MTMR14: variants seen among roughly 807,000 people sequenced by gnomAD.
MTMR14 encodes myotubularin related protein 14.
MTMR14 carries 48 observed loss-of-function variants against 86.3 expected under a neutral mutation model. The ratio of observed to expected loss-of-function variants is 0.56; its 90% CI spans 0.44 to 0.71. The LOEUF is 0.71. Ranked by LOEUF, MTMR14 falls within the 30% of genes least tolerant of loss-of-function variation. The pLI, the probability that MTMR14 is intolerant of heterozygous loss-of-function variation, is 0.00. For missense variants in MTMR14, 780 were observed against 834.6 expected (o/e 0.93, Z 0.81); for synonymous variants, 366 against 326.1 (o/e 1.12, Z -1.32).
intron 18 of MTMR14, 90 bp downstream of exon 18, chr3:9,697,956 G>A: frequency 1.3e-6 from 2 of 1,571,710 alleles, no homozygotes; most frequent in Non-Finnish European, 1.7e-6. Flanking sequence ...AATGAGGCTG[G>A]CGCTCAGGAG....
intron 3 of MTMR14, among the ~76,000 whole-genome samples, chr3:9,664,081 G>A (rs572799206): frequency 6.6e-6 from 1 of 151,832 alleles, no homozygotes; most frequent in Non-Finnish European, 1.5e-5. Flanking sequence ...GAGCCACCAC[G>A]CCTGGCCTGC....
chr3:9,661,438 C>T (rs1053794045), intron 2 of MTMR14, among the ~76,000 whole-genome samples: 15 of 152,256 alleles, frequency 9.9e-5, no homozygotes, highest in African/African-American at 3.1e-4. Flanking sequence ...GGAAGTCAGA[C>T]GGTAATGCTC....
At chr3:9,654,159 A>G (rs894824843) in intron 2 of MTMR14, among the ~76,000 whole-genome samples, 4 of 152,222 alleles carry the variant, frequency 2.6e-5, no homozygotes, top group South Asian at 2.1e-4. Context: ...TCAGACTGCT[A>G]GAGTCAGACT....
intron 1 of MTMR14, 138 bp from the exon 2 acceptor site, chr3:9,653,483 C>T (rs1020585599): frequency 1.0e-5 from 11 of 1,056,342 alleles, no homozygotes; most frequent in African/African-American, 1.6e-5. Flanking sequence ...TGTGGCCTAG[C>T]ATCACATCTT....
At chr3:9,681,870 G>A (rs2075779921) in intron 9 of MTMR14, among the ~76,000 whole-genome samples, 1 of 147,732 alleles carries the variant, frequency 6.8e-6, no homozygotes, top group African/African-American at 2.7e-5. Context: ...TACCAGCCCA[G>A]CCCTCCCCAG....
chr3:9,653,955 G>A (rs1425925580), intron 2 of MTMR14, 186 bp downstream of exon 2: 11 of 734,100 alleles, frequency 1.5e-5, no homozygotes, highest in Non-Finnish European at 2.3e-5. Flanking sequence ...AGAATGAGGG[G>A]TTGGGAGTAA....
rs767116693 is a variant in MTMR14 at position 9,701,965 on chromosome 3, G to A, written c.1945G>A (p.Ala649Thr). Residue 649 changes from alanine (A) to threonine (T), a missense_variant, in exon 19 of 19, where the codon GCC becomes ACC. By Grantham distance (58) the Ala-to-Thr change is moderately conservative (BLOSUM62 0). Transcript: ENST00000296003. This position sits in a 1 kb window ranked among gnomAD's most constrained non-coding sequence, Gnocchi z 4.2. ...GVGLRSISSN[A>T]L The stretch of plus-strand genomic sequence containing the variant: ...TGGACTCCGGAGCATCAGCAGCAAT[G>A]CCTTGTGAAGAAGCCAGCCCATGAC... The A allele has an allele frequency of 1.5e-5, 25 of 1,614,156 alleles. No individual in the cohort carries two copies. The South Asian group carries it at 2.4e-4, about 16-fold the overall frequency.
Position 9,701,524 on chromosome 3 carries a change from GAAAAA to G in MTMR14, c.1770-256_1770-252del. ...GCAATAGAGTGAGACCTTGTCTCAA[GAAAAA>G]AAAAAAAAAGGTTAGTGTCCCAGTA... On this transcript the variant is annotated intron_variant, in intron 18 of 18. Coordinates refer to ENST00000296003, the MANE Select transcript of MTMR14 (RefSeq NM_001077525.3). The surrounding 1 kb of genome is among the most constrained non-coding windows in gnomAD (Gnocchi z 4.2). 2.3e-6 allele frequency: 1 copy of G among 442,652 alleles called. No individual in the cohort carries two copies. The highest frequency in any genetic ancestry group is 4.1e-6 in the Non-Finnish European group (1 of 244,968). The allele number at this position is 442,652 out of a possible 1,614,324, so 27.4% of individuals were successfully genotyped here.
In MTMR14 at chr3:9,688,708, G is replaced by T; in HGVS notation, c.1248G>T (p.Leu416Phe). The T allele has an allele frequency of 6.2e-7, 1 of 1,614,198 alleles. No homozygotes were observed. Among genetic ancestry groups the T allele is most frequent in the South Asian group, 1.1e-5 (1 of 91,088 alleles). The stretch of plus-strand genomic sequence containing the variant: ...CTTCCATTTCTAGGAGGAAGAGTTT[G>T]CCAGCCCGGGATGGAGGCTTCACCC... ...SALKTQRRKS[L>F]PARDGGFTLE... The change falls in exon 15 of 19, where the codon TTG (leucine) becomes TTT (phenylalanine). Residue 416 changes from leucine to phenylalanine, a missense_variant. Physicochemically the swap from Leu to Phe is conservative, Grantham distance 22 (BLOSUM62 0). Coordinates refer to ENST00000296003, the MANE Select transcript of MTMR14 (RefSeq NM_001077525.3).
intron 1 of MTMR14, chr3:9,650,609 C>G (rs77571265): frequency 7.1e-6 from 2 of 283,382 alleles, no homozygotes; most frequent in Non-Finnish European, 1.5e-5. Context: ...TGGACTTCCT[C>G]ACTCTCCAAA....
intron 5 of MTMR14, among the ~76,000 whole-genome samples, chr3:9,669,808 C>T (rs1181924781): frequency 6.6e-6 from 1 of 152,172 alleles, no homozygotes. Context: ...TAAAGCCCCA[C>T]AGAGTTGCCA....
rs2048635481 is a variant in MTMR14, at chr3:9,672,686, G to A, written c.679G>A (p.Val227Ile). The A allele has an allele frequency of 1.2e-6, 2 of 1,613,962 alleles. No homozygotes were observed. Among genetic ancestry groups the A allele is most frequent in the Non-Finnish European group, 1.7e-6 (2 of 1,179,858 alleles). ...ENKKVKFGMN[V>I]TSSEKVDKAQ... ...ACACATTGTATCCTTGTCTTGTAGT[G>A]TAACCTCCTCTGAGAAGGTGGACAA... Residue 227 changes from valine to isoleucine, a missense_variant and splice_region_variant, in exon 7 of 19, where the codon GTA becomes ATA. Val to Ile is a conservative substitution (Grantham distance 29). Coordinates refer to ENST00000296003, the MANE Select transcript of MTMR14 (RefSeq NM_001077525.3).
At chr3:9,680,668 A>G (rs2075733497) in intron 9 of MTMR14, among the ~76,000 whole-genome samples, 1 of 152,124 alleles carries the variant, frequency 6.6e-6, no homozygotes, top group Non-Finnish European at 1.5e-5. Flanking sequence ...ACACAGTGAA[A>G]CCCAATCTCT....
intron 13 of MTMR14, among the ~76,000 whole-genome samples, chr3:9,686,662 A>T (rs949386892): frequency 6.6e-6 from 1 of 152,234 alleles, no homozygotes; most frequent in African/African-American, 2.4e-5. Flanking sequence ...AATCTTAAGT[A>T]ACACAACATT....
At chr3:9,695,408 A>G (rs556642586) in intron 17 of MTMR14, among the ~76,000 whole-genome samples, 1 of 152,348 alleles carries the variant, frequency 6.6e-6, no homozygotes, top group Admixed American at 6.5e-5. Flanking sequence ...AGTCTGCAGA[A>G]GATGGCTGCT....
rs773778933 is a variant in MTMR14 at position 9,672,750 on chromosome 3, C to G, written c.743C>G (p.Pro248Arg). The stretch of plus-strand genomic sequence containing the variant: ...GCCGACTTCACTCTCCTCTCCATCC[C>G]GTATCCAGGTAGGGGGCTCTCTTCT... ...RYADFTLLSI[P>R]YPGCEFFKEY... Residue 248 changes from proline to arginine, a missense_variant, in exon 7 of 19, where the codon CCG (proline) becomes CGG (arginine). Physicochemically the swap from Pro to Arg is moderately radical, Grantham distance 103. Coordinates refer to ENST00000296003, the MANE Select transcript of MTMR14 (RefSeq NM_001077525.3). 4 of 1,614,008 alleles carry G rather than the reference C, an allele frequency of 2.5e-6. No individual in the cohort carries two copies. In the East Asian group the frequency reaches 6.7e-5, roughly 27 times the overall value.
chr3:9,662,129 A>G (rs913018669), intron 2 of MTMR14, 138 bp from the exon 3 acceptor site: 7 of 700,072 alleles, frequency 1.0e-5, no homozygotes, highest in Non-Finnish European at 1.8e-5. Flanking sequence ...TAGATGATAT[A>G]AAATTTAGGA....
chr3:9,677,864 TG>T lies in MTMR14; in HGVS notation c.823-118del. On this transcript the variant is annotated intron_variant, in intron 8 of 18. Coordinates refer to ENST00000296003, the MANE Select transcript of MTMR14 (RefSeq NM_001077525.3). The surrounding 1 kb of genome is among the most constrained non-coding windows in gnomAD (Gnocchi z 4.2). ...GTCACTCCCAGGTAGCACAGGTATC[TG>T]GCCCAGAGAAGGCAAGCACTGCCTG... The T allele has an allele frequency of 2.5e-6, 2 of 809,068 alleles. No individual in the cohort carries two copies. The highest frequency in any genetic ancestry group is 4.1e-6 in the Non-Finnish European group (2 of 489,142). The allele number at this position is 809,068 out of a possible 1,614,324, so 50.1% of individuals were successfully genotyped here. A position where few individuals can be genotyped will look rare whatever the true frequency, so the allele number is the denominator to read the frequency against.
intron 2 of MTMR14, among the ~76,000 whole-genome samples, chr3:9,658,243 A>G (rs2047724125): frequency 6.6e-6 from 1 of 152,238 alleles, no homozygotes; most frequent in Non-Finnish European, 1.5e-5. Context: ...ATGCTGAATT[A>G]AACTGAATAG....
Sources: gnomAD v4.1 joint callset for allele counts (sites outside exome capture counted in the v4.1 genomes callset) on GRCh38, gnomAD v4.1.1 for gene constraint, Gnocchi (gnomAD v3.1) non-coding constraint, MANE v1.5 for transcripts, NCBI Gene and HGNC (gene_info 2026-07-23, HGNC 2026-07-21) for gene names.